SGO1: variants seen among roughly 807,000 people sequenced by gnomAD.
The protein encoded by SGO1 is serologically defined breast cancer antigen NY-BR-85.
SGO1 carries 39 observed loss-of-function variants against 50.5 expected under a neutral mutation model. The observed-to-expected ratio is 0.77, with a 90% CI of 0.60 to 1.01. The LOEUF (loss-of-function observed/expected upper bound fraction) is 1.01, where lower values mean the gene tolerates loss of function less well. SGO1 is among the 50% of genes least tolerant of loss of function. The pLI, the probability that SGO1 is intolerant of heterozygous loss-of-function variation, is 0.00. For synonymous variants in SGO1, 191 were observed against 205.1 expected (o/e 0.93, Z 0.59); for missense variants, 638 against 606.0 (o/e 1.05, Z -0.55).
Position 20,174,462 on chromosome 3 carries a change from TAG to T in SGO1, c.1067_1068del (p.Ser356Ter), listed in dbSNP as rs780356857. On this transcript the variant is annotated frameshift_variant, in exon 6 of 8. Transcript: ENST00000412997. LOFTEE classifies it high-confidence loss of function. ...TPFRQKVSND[S>X]NREENNESEV... ...TCAGACTCGTTGTTTTCTTCTCTAT[TAG>T]AGTCATTGCTCACTTTTTGTCGGAA... The T allele has an allele frequency of 6.8e-6, 11 of 1,614,062 alleles. No individual in the cohort carries two copies. The Admixed American group carries it at 1.7e-4, about 24-fold the overall frequency.
Position 20,169,584 on chromosome 3 carries a change from G to C in SGO1, c.*1120C>G. 1 of 985,170 alleles carries C rather than the reference G, an allele frequency of 1.0e-6. No homozygotes were observed. Among genetic ancestry groups the C allele is most frequent in the Non-Finnish European group, 1.2e-6 (1 of 829,742 alleles). The allele number at this position is 985,170 out of a possible 1,614,324, so 61.0% of individuals were successfully genotyped here. ...GTATAGACATCAAACTTTCTAAACT[G>C]AACTAATTCGCTTTCATTGGTTGGT... On this transcript the variant is annotated 3_prime_UTR_variant, in exon 8 of 8. Transcript: ENST00000412997.
rs201453743 is a variant in SGO1 at position 20,179,874 on chromosome 3, TC to T, written c.340-1528del. ...TCAAAGTATGTCAAGTAAAGAGTGGTCCCTGTTTTGCATATTATTACTGCAA... is the reference window on the plus strand; with the variant it reads ...TCAAAGTATGTCAAGTAAAGAGTGGTCCTGTTTTGCATATTATTACTGCAA... On this transcript the variant is annotated intron_variant, in intron 3 of 7. Transcript: ENST00000412997. Among the ~76,000 whole-genome samples the T allele has an allele frequency of 6.4e-4, 97 of 152,284 alleles. 1 individual carries two copies. The East Asian group carries it at 0.017, about 27-fold the overall frequency.
In SGO1 at chr3:20,161,097, C is replaced by T. The variant is rs745704979; in HGVS notation, c.*8G>A. The T allele has an allele frequency of 1.7e-4, 267 of 1,613,560 alleles. 1 individual carries two copies. The highest frequency in any genetic ancestry group is 2.2e-4 in the Non-Finnish European group (256 of 1,179,772). On this transcript the variant is annotated 3_prime_UTR_variant, in exon 9 of 9. Transcript: ENST00000263753. ...AAAAGTTTTCTAAGGATGTGAAGCC[C>T]GTGGACTTTACCTCAAGCAGATGTG...
Position 20,171,294 on chromosome 3 carries a change from G to T in SGO1, c.1283-62C>A, listed in dbSNP as rs1192407070. 4 of 1,346,914 alleles carry T rather than the reference G, an allele frequency of 3.0e-6. No individual in the cohort carries two copies. In the African/African-American group the frequency reaches 6.1e-5, roughly 20 times the overall value. The allele number at this position is 1,346,914 out of a possible 1,614,324, so 83.4% of individuals were successfully genotyped here. A position where few individuals can be genotyped will look rare whatever the true frequency, so the allele number is the denominator to read the frequency against. ...AAAAACCCACACAAAAACTTAAATT[G>T]TACTCAATTGTATATATCTTAACTG... On this transcript the variant is annotated intron_variant, in intron 6 of 7. Coordinates refer to ENST00000412997, the MANE Select transcript of SGO1 (RefSeq NM_001199251.3).
chr3:20,179,847 G>A (rs913508831), intron 3 of SGO1, among the ~76,000 whole-genome samples: 2 of 152,188 alleles, frequency 1.3e-5, no homozygotes, highest in Non-Finnish European at 2.9e-5. Flanking sequence ...AAAACTAAGA[G>A]ATCAAAGTAT....
At chr3:20,170,966 T>C (rs949133482) in intron 7 of SGO1, 77 bp downstream of exon 7, 16 of 1,484,272 alleles carry the variant, frequency 1.1e-5, no homozygotes, top group Middle Eastern at 1.8e-4. Flanking sequence ...AAAAACTCAT[T>C]CTTGAACAAA....
At chr3:20,169,280 T>G, downstream of SGO1, 1 of 984,792 alleles carries the variant, frequency 1.0e-6, no homozygotes. Context: ...GAGAGAGAAG[T>G]GTTAGGTTGA....
intron 3 of SGO1, among the ~76,000 whole-genome samples, chr3:20,180,130 A>G: frequency 6.6e-6 from 1 of 152,108 alleles, no homozygotes; most frequent in Non-Finnish European, 1.5e-5. Context: ...GATGGTCTCC[A>G]CAAAAAAGTT....
At position 20,177,467 on chromosome 3, in the gene SGO1, G is replaced by A. The variant is rs529369668; in HGVS notation, c.416+804C>T. Among the ~76,000 whole-genome samples, 239 of 152,324 alleles carry A rather than the reference G, an allele frequency of 1.6e-3. 1 individual carries two copies. The highest frequency in any genetic ancestry group is 4.8e-3 in the African/African-American group (200 of 41,572). Reference sequence around the variant, plus strand: ...GCATACGAAAGAACTGTCTATGGCAGTAGTTCTCATCCAAGGGCAATTATG... The same window carrying A: ...GCATACGAAAGAACTGTCTATGGCAATAGTTCTCATCCAAGGGCAATTATG... On this transcript the variant is annotated intron_variant, in intron 4 of 7. Transcript: ENST00000412997.
intron 5 of SGO1, 120 bp from the exon 6 acceptor site, chr3:20,175,175 A>G: frequency 2.9e-6 from 3 of 1,038,650 alleles, no homozygotes; most frequent in Non-Finnish European, 3.8e-6. Flanking sequence ...TAGTTTTCCT[A>G]CATTATAAAA....
intron 3 of SGO1, among the ~76,000 whole-genome samples, chr3:20,182,685 G>A (rs1054475167): frequency 1.3e-5 from 2 of 152,030 alleles, no homozygotes; most frequent in East Asian, 3.9e-4. Context: ...GACCATATTT[G>A]AACACCTTCT....
Position 20,183,616 on chromosome 3 carries a change from G to T in SGO1, c.331C>A (p.Pro111Thr), listed in dbSNP as rs774670357. The change falls in exon 3 of 8, where the codon CCT becomes ACT. Residue 111 changes from proline (P) to threonine (T), a missense_variant. By Grantham distance (38) the Pro-to-Thr change is conservative. Transcript: ENST00000412997. ...CTTAGTAATGAAAATACCTGAGCAGGTTCTACTGTTTGTTGTGATGTAAGT... is the reference window on the plus strand; with the variant it reads ...CTTAGTAATGAAAATACCTGAGCAGTTTCTACTGTTTGTTGTGATGTAAGT... ...GKLTSQQTVEPAQNQEICSSG... is the reference protein window; with the variant it reads ...GKLTSQQTVETAQNQEICSSG... 5.0e-6 allele frequency: 8 copies of T among 1,587,716 alleles called. No homozygotes were observed. The African/African-American group carries it at 6.8e-5, about 14-fold the overall frequency.
downstream of SGO1, chr3:20,168,987 T>C (rs1700463350): frequency 7.1e-6 from 7 of 985,038 alleles, no homozygotes; most frequent in Middle Eastern, 5.2e-4. Flanking sequence ...ATAGCTACTC[T>C]AGTGTTTCCA....
At position 20,174,729 on chromosome 3, in the gene SGO1, T is replaced by C. The variant is rs1346171163; in HGVS notation, c.802A>G (p.Thr268Ala). 6.2e-7 allele frequency: 1 copy of C among 1,613,926 alleles called. No homozygotes were observed. The highest frequency in any genetic ancestry group is 8.5e-7 in the Non-Finnish European group (1 of 1,180,034). Reference sequence around the variant, plus strand: ...TTAGATTCTAAAATGTCTTCTTTTGTTTTAGTAAACGTTCCTGGCTGAATC... The same window carrying C: ...TTAGATTCTAAAATGTCTTCTTTTGCTTTAGTAAACGTTCCTGGCTGAATC... ...KLIQPGTFTK[T>A]KEDILESKSE... Residue 268 changes from threonine (T) to alanine (A), a missense_variant, in exon 6 of 8, where the codon ACA becomes GCA. By Grantham distance (58) the Thr-to-Ala change is moderately conservative. Transcript: ENST00000412997.
intron 3 of SGO1, among the ~76,000 whole-genome samples, chr3:20,179,805 T>C (rs1324310252): frequency 9.9e-5 from 15 of 152,058 alleles, no homozygotes; most frequent in Admixed American, 2.0e-4. Context: ...GTCAGAAAGG[T>C]AGAATGAAAA....
chr3:20,170,591 T>A lies in SGO1; in HGVS notation c.*113A>T. 7.3e-7 allele frequency: 1 copy of A among 1,377,818 alleles called. No individual in the cohort carries two copies. Among genetic ancestry groups the A allele is most frequent in the South Asian group, 1.9e-5 (1 of 51,936 alleles). The allele number at this position is 1,377,818 out of a possible 1,614,324, so 85.3% of individuals were successfully genotyped here. ...GAAATGTTTATGAGCTAGGGTCCTGTCAAGAGAATATTCTATGGCAATGGC... is the reference window on the plus strand; with the variant it reads ...GAAATGTTTATGAGCTAGGGTCCTGACAAGAGAATATTCTATGGCAATGGC... On this transcript the variant is annotated 3_prime_UTR_variant, in exon 8 of 8. Coordinates refer to ENST00000412997, the MANE Select transcript of SGO1 (RefSeq NM_001199251.3).
Position 20,174,588 on chromosome 3 carries a change from C to A in SGO1, c.943G>T (p.Glu315Ter), listed in dbSNP as rs758394956. Residue 315 changes from glutamate (E) to a stop codon, truncating the protein, a stop_gained, in exon 6 of 8, where the codon GAA becomes TAA. Coordinates refer to ENST00000412997, the MANE Select transcript of SGO1 (RefSeq NM_001199251.3). LOFTEE classifies it high-confidence loss of function. ...RMSKYKENKS[E>*]NKKTVPQKKM... ...TTTTGGGGAACAGTTTTTTTATTTTCGCTTTTATTCTCTTTATATTTTGAC... is the reference window on the plus strand; with the variant it reads ...TTTTGGGGAACAGTTTTTTTATTTTAGCTTTTATTCTCTTTATATTTTGAC... 3.8e-6 allele frequency: 6 copies of A among 1,599,620 alleles called. No individual in the cohort carries two copies. Among genetic ancestry groups the A allele is most frequent in the Non-Finnish European group, 4.3e-6 (5 of 1,175,600 alleles).
chr3:20,170,650 C>T lies in SGO1; in HGVS notation c.*54G>A. On this transcript the variant is annotated 3_prime_UTR_variant, in exon 8 of 8. Coordinates refer to ENST00000412997, the MANE Select transcript of SGO1 (RefSeq NM_001199251.3). Reference sequence around the variant, plus strand: ...TTTGTGTACTCTTACAGATCCTCTCCTGAAGCAACAGAAAGAGGTGTAGAT... The same window carrying T: ...TTTGTGTACTCTTACAGATCCTCTCTTGAAGCAACAGAAAGAGGTGTAGAT... The T allele has an allele frequency of 2.0e-6, 3 of 1,491,258 alleles. No homozygotes were observed. The highest frequency in any genetic ancestry group is 4.9e-5 in the East Asian group (2 of 40,944). The allele number at this position is 1,491,258 out of a possible 1,614,324, so 92.4% of individuals were successfully genotyped here. A position where few individuals can be genotyped will look rare whatever the true frequency, so the allele number is the denominator to read the frequency against.
intron 3 of SGO1, among the ~76,000 whole-genome samples, chr3:20,181,576 A>C (rs1159246022): frequency 6.6e-6 from 1 of 152,180 alleles, no homozygotes; most frequent in African/African-American, 2.4e-5. Context: ...ATACTCAAAA[A>C]CTATTGAGCT....
Sources: gnomAD v4.1 joint callset for allele counts (sites outside exome capture counted in the v4.1 genomes callset) on GRCh38, gnomAD v4.1.1 for gene constraint, MANE v1.5 for transcripts, NCBI Gene and HGNC (gene_info 2026-07-23, HGNC 2026-07-21) for gene names.